COL21A1: variants seen among roughly 807,000 people sequenced by gnomAD.
The protein encoded by COL21A1 is collagen alpha-1(XXI) chain.
In COL21A1, 149 loss-of-function variants were observed where a neutral mutation model predicts 137.9. The ratio of observed to expected loss-of-function variants is 1.08; its 90% CI spans 0.95 to 1.24. The LOEUF (loss-of-function observed/expected upper bound fraction) is 1.24. COL21A1 is among the 50% of genes most tolerant of loss of function. The probability of loss-of-function intolerance (pLI) is 0.00; values close to 1 mark genes in which losing one functional copy is unlikely to be tolerated. For missense variants in COL21A1, 1,167 were observed against 1,158.4 expected, an observed-to-expected ratio of 1.01 and a Z score of -0.11; for synonymous variants, 456 against 391.5, an observed-to-expected ratio of 1.16 and a Z score of -1.95.
At chr6:56,362,947 G>C (rs1766009058) in intron 1 of COL21A1, among the ~76,000 whole-genome samples, 1 of 152,132 alleles carries the variant, frequency 6.6e-6, no homozygotes, top group Non-Finnish European at 1.5e-5. Flanking sequence ...TTATCACAAT[G>C]ATGCCTTTCT....
At chr6:56,086,269 T>C (rs1768235309) in intron 17 of COL21A1, among the ~76,000 whole-genome samples, 1 of 151,936 alleles carries the variant, frequency 6.6e-6, no homozygotes, top group Non-Finnish European at 1.5e-5. Flanking sequence ...ACGATTTTTA[T>C]ATACAGTTGA....
At chr6:56,311,442 A>G (rs550453425) in intron 1 of COL21A1, among the ~76,000 whole-genome samples, 1 of 152,344 alleles carries the variant, frequency 6.6e-6, no homozygotes, top group East Asian at 1.9e-4. Flanking sequence ...AAGAACATTG[A>G]GAAGAAAGCT....
intron 12 of COL21A1, among the ~76,000 whole-genome samples, chr6:56,137,235 T>C (rs563161097): frequency 1.3e-5 from 2 of 152,254 alleles, no homozygotes; most frequent in South Asian, 4.1e-4. Context: ...ACAGGACTTT[T>C]TGTGAGGATT....
rs1765034434 is a variant in COL21A1, at chr6:56,325,631, T to TATATTATATATTATA, written c.-39+68339_-39+68340insTATAATATATAATAT. On this transcript the variant is annotated intron_variant, in intron 1 of 28. Transcript: ENST00000370819. ...ATCTATTATATATAATAATCTATTA[T>TATATTATATATTATA]ATATAATATATAATATAATATATTA... Among the ~76,000 whole-genome samples the TATATTATATATTATA allele has an allele frequency of 3.7e-3, 3 of 806 alleles. 1 individual carries two copies. 0.5% of individuals were successfully genotyped at this position (806 alleles called of 152,430 possible). A position where few individuals can be genotyped will look rare whatever the true frequency, so the allele number is the denominator to read the frequency against.
In COL21A1 at chr6:56,182,522, A is replaced by T; in HGVS notation, c.88+9T>A. 2 of 1,559,526 alleles carry T rather than the reference A, an allele frequency of 1.3e-6. No individual in the cohort carries two copies. The highest frequency in any genetic ancestry group is 1.8e-6 in the Non-Finnish European group (2 of 1,138,504). ...GATAACAAAAAAGGACAATGCTGAT[A>T]GTTCTTACTTGATCTTACTTCCCCA... On this transcript the variant is annotated intron_variant, in intron 2 of 29. Coordinates refer to ENST00000244728, the MANE Select transcript of COL21A1 (RefSeq NM_030820.4).
In COL21A1 at chr6:56,171,092, C is replaced by A. The variant is rs572301223; in HGVS notation, c.677G>T (p.Arg226Leu). ...VCPTRIPVAARDERGFDILLG... is the reference protein window; with the variant it reads ...VCPTRIPVAALDERGFDILLG... The stretch of plus-strand genomic sequence containing the variant: ...AAGAATATCAAATCCCCTTTCATCA[C>A]GAGCTGCCACTGGAATTCGTGTTGG... Residue 226 changes from arginine to leucine, a missense_variant, in exon 4 of 30, where the codon CGT (arginine) becomes CTT (leucine). Coordinates refer to ENST00000244728, the MANE Select transcript of COL21A1 (RefSeq NM_030820.4). 3 of 1,606,920 alleles carry A rather than the reference C, an allele frequency of 1.9e-6. No homozygotes were observed. Among genetic ancestry groups the A allele is most frequent in the Non-Finnish European group, 2.5e-6 (3 of 1,177,220 alleles).
At chr6:56,160,391 T>A (rs1239686919) in intron 9 of COL21A1, among the ~76,000 whole-genome samples, 1 of 152,154 alleles carries the variant, frequency 6.6e-6, no homozygotes, top group Admixed American at 6.5e-5. Flanking sequence ...ACAGCAGTGA[T>A]AGAGATGGGA....
At chr6:56,116,483 G>C (rs531443849) in intron 16 of COL21A1, among the ~76,000 whole-genome samples, 4 of 149,956 alleles carry the variant, frequency 2.7e-5, no homozygotes, top group Non-Finnish European at 4.4e-5. Context: ...AGAAAGACAG[G>C]CTTTCCCAGA....
intron 1 of COL21A1, among the ~76,000 whole-genome samples, chr6:56,268,005 C>G (rs1763433880): frequency 6.6e-6 from 1 of 152,144 alleles, no homozygotes; most frequent in Non-Finnish European, 1.5e-5. Context: ...CACTTTGGAT[C>G]CCCCAGCACA....
intron 1 of COL21A1, among the ~76,000 whole-genome samples, chr6:56,234,879 C>T (rs1460418502): frequency 6.7e-6 from 1 of 149,816 alleles, no homozygotes; most frequent in Non-Finnish European, 1.5e-5. Flanking sequence ...CAAATGTATT[C>T]TTAGCCAACT....
chr6:56,088,369 A>C (rs558537879), intron 17 of COL21A1, among the ~76,000 whole-genome samples: 6 of 152,310 alleles, frequency 3.9e-5, no homozygotes, highest in African/African-American at 1.4e-4. Flanking sequence ...ATCTCAAAAA[A>C]AAATAATTTT....
At chr6:56,341,450 TA>T (rs926398573) in intron 1 of COL21A1, among the ~76,000 whole-genome samples, 13 of 151,980 alleles carry the variant, frequency 8.6e-5, no homozygotes, top group African/African-American at 3.1e-4. Flanking sequence ...GGAGGAAACA[TA>T]AATGAAAGTA....
intron 1 of COL21A1, among the ~76,000 whole-genome samples, chr6:56,322,357 T>C (rs1318841646): frequency 6.6e-6 from 1 of 152,156 alleles, no homozygotes; most frequent in Non-Finnish European, 1.5e-5. Flanking sequence ...CATATTCACC[T>C]GACCTCTCAT....
At chr6:56,167,037 T>A in intron 6 of COL21A1, 54 bp from the exon 7 acceptor site, 1 of 1,260,810 alleles carries the variant, frequency 7.9e-7, no homozygotes, top group Non-Finnish European at 1.1e-6. Context: ...AATTGTTTTA[T>A]AAGAGCAACT....
intron 1 of COL21A1, among the ~76,000 whole-genome samples, chr6:56,341,358 T>C (rs374985697): frequency 6.6e-5 from 10 of 152,328 alleles, no homozygotes; most frequent in African/African-American, 2.4e-4. Context: ...GGAATAATAA[T>C]TACATTTGTT....
At position 56,273,115 on chromosome 6, in the gene COL21A1, C is replaced by G. The variant is rs144429211; in HGVS notation, c.-38-90459G>C. Among the ~76,000 whole-genome samples, 1,109 of 152,244 alleles carry G rather than the reference C, an allele frequency of 7.3e-3. 10 individuals are homozygous for G. The highest frequency in any genetic ancestry group is 0.011 in the Non-Finnish European group (754 of 67,996). ...ACACAAATACATTGCAAATAAACAA[C>G]TTGCTCCTGAATAATTTCTGGGTGA... is the stretch of plus-strand genomic sequence containing the variant. On this transcript the variant is annotated intron_variant, in intron 1 of 28. Coordinates refer to the COL21A1 transcript ENST00000370819.
rs145435238 is a variant in COL21A1, at chr6:56,128,052, G to A, written c.1543-1903C>T. Among the ~76,000 whole-genome samples, 935 of 152,268 alleles carry A rather than the reference G, an allele frequency of 6.1e-3. 10 individuals are homozygous for A. The highest frequency in any genetic ancestry group is 0.022 in the African/African-American group (895 of 41,562). ...AGCATAGGGGTGGACACACAATTGT[G>A]CTGGAAGGTCTTTAGGAAGACAAAG... is the stretch of plus-strand genomic sequence containing the variant. On this transcript the variant is annotated intron_variant, in intron 12 of 29. Coordinates refer to ENST00000244728, the MANE Select transcript of COL21A1 (RefSeq NM_030820.4).
At chr6:56,378,812 G>GTCA (rs746238419) in intron 1 of COL21A1, among the ~76,000 whole-genome samples, 1 of 152,240 alleles carries the variant, frequency 6.6e-6, no homozygotes, top group Non-Finnish European at 1.5e-5. Context: ...ACCCAGCACA[G>GTCA]TCATAGTGGT....
chr6:56,235,310 T>C (rs1293993515), intron 1 of COL21A1, among the ~76,000 whole-genome samples: 2 of 151,956 alleles, frequency 1.3e-5, no homozygotes. Context: ...ATTCAGCTGG[T>C]ACAAAGCAAG....
Sources: allele counts gnomAD v4.1 joint callset (sites outside exome capture counted in the v4.1 genomes callset), GRCh38; gene constraint gnomAD v4.1.1; transcripts MANE v1.5; gene names NCBI Gene and HGNC (gene_info 2026-07-23, HGNC 2026-07-21).